ZBTB20: variants seen among roughly 807,000 people sequenced by gnomAD.
The protein encoded by ZBTB20 is zinc finger and BTB domain containing 20, also known as zinc finger and BTB domain-containing protein 20.
Under a neutral mutation model 56.9 loss-of-function variants are expected in ZBTB20, and 9 were observed. The ratio of observed to expected loss-of-function variants is 0.16; its 90% CI spans 0.10 to 0.28. ZBTB20 has a LOEUF of 0.28. Among genes scored for constraint, ZBTB20 ranks in the 10% least tolerant of loss-of-function variants. The probability of loss-of-function intolerance (pLI) is 1.00; values close to 1 mark genes in which losing one functional copy is unlikely to be tolerated. For missense variants in ZBTB20, 655 were observed against 1,003.0 expected, an observed-to-expected ratio of 0.65 and a Z score of 4.69; for synonymous variants, 417 against 420.7, an observed-to-expected ratio of 0.99 and a Z score of 0.11.
intron 1 of ZBTB20, among the ~76,000 whole-genome samples, chr3:115,091,687 T>C (rs543483400): frequency 7.3e-4 from 110 of 150,220 alleles, no homozygotes; most frequent in Middle Eastern, 3.6e-3. Context: ...TATATATATA[T>C]ATATAACACA....
intron 6 of ZBTB20, among the ~76,000 whole-genome samples, chr3:114,593,350 G>A (rs1001486534): frequency 6.6e-6 from 1 of 151,612 alleles, no homozygotes; most frequent in Non-Finnish European, 1.5e-5. Flanking sequence ...AAAAATAGGG[G>A]AGAGGGAGAG....
rs1385741261 is a variant in ZBTB20, at chr3:114,942,609, G to A, written c.-456+31757C>T. ...GTAGCTTATATCAAATCACCCCCTC[G>A]TTGAGAAAAACTATTAAAGATGAAT... is the stretch of plus-strand genomic sequence containing the variant. On this transcript the variant is annotated intron_variant, in intron 3 of 11. Transcript: ENST00000675478. Among the ~76,000 whole-genome samples the A allele has an allele frequency of 1.4e-4, 21 of 145,372 alleles. 4 individuals carry two copies. Among genetic ancestry groups the A allele is most frequent in the African/African-American group, 3.9e-4 (14 of 35,506 alleles).
rs550864416 is a variant in ZBTB20, at chr3:114,459,161, A to T, written c.-255+41191T>A. On this transcript the variant is annotated intron_variant, in intron 7 of 11. Coordinates refer to ENST00000675478, the MANE Select transcript of ZBTB20 (RefSeq NM_001348800.3). ...ACATAATAATAAATGCCATAATTCA[A>T]CGTATCTCATAATTTGATTTACTTT... 7.9e-5 allele frequency among the ~76,000 whole-genome samples: 12 copies of T among 152,220 alleles called. No homozygotes were observed. In the South Asian group the frequency reaches 1.0e-3, roughly 13 times the overall value.
chr3:114,768,871 A>G (rs2068970429), intron 5 of ZBTB20, among the ~76,000 whole-genome samples: 1 of 152,186 alleles, frequency 6.6e-6, no homozygotes, highest in Non-Finnish European at 1.5e-5. Flanking sequence ...AGGTTCTGAT[A>G]CCCAGTAATT....
intron 6 of ZBTB20, among the ~76,000 whole-genome samples, chr3:114,635,143 C>A (rs1274264): frequency 0.35 from 52,851 of 151,966 alleles, 11,839 homozygotes; most frequent in African/African-American, 0.63. Context: ...TTAGCAAAAA[C>A]TAAAAGGAGC....
chr3:114,610,751 G>A (rs1159829174), intron 6 of ZBTB20, among the ~76,000 whole-genome samples: 1 of 152,162 alleles, frequency 6.6e-6, no homozygotes, highest in Non-Finnish European at 1.5e-5. Flanking sequence ...TTGCTGAAAC[G>A]AGAAGATGAA....
At chr3:114,844,373 T>TATATATATATATATA (rs1467342908) in intron 4 of ZBTB20, among the ~76,000 whole-genome samples, 25 of 88,228 alleles carry the variant, frequency 2.8e-4, no homozygotes, top group Non-Finnish European at 4.7e-4. Context: ...ATATATATAT[T>TATATATATATATATA]AGCTGAGAGT....
intron 7 of ZBTB20, among the ~76,000 whole-genome samples, chr3:114,446,836 T>C (rs2091302679): frequency 6.6e-6 from 1 of 152,170 alleles, no homozygotes; most frequent in African/African-American, 2.4e-5. Flanking sequence ...CTTTTAAAAA[T>C]GCTATTTCTT....
intron 5 of ZBTB20, chr3:114,792,029 CTCTT>C (rs2070993769): frequency 6.6e-6 from 1 of 152,104 alleles, no homozygotes; most frequent in Non-Finnish European, 1.5e-5. Flanking sequence ...AAGTGTAACA[CTCTT>C]TATTGTTCCT....
chr3:114,464,728 G>A (rs11917631), intron 7 of ZBTB20, among the ~76,000 whole-genome samples: 32,820 of 151,848 alleles, frequency 0.22, 5,768 homozygotes, highest in African/African-American at 0.49. Context: ...TGGATAAAAA[G>A]GACATGAATA....
At chr3:115,128,724 G>A (rs1640932684) in intron 1 of ZBTB20, among the ~76,000 whole-genome samples, 1 of 140,914 alleles carries the variant, frequency 7.1e-6, no homozygotes, top group Non-Finnish European at 1.6e-5. Flanking sequence ...GGGGAGGGGA[G>A]GGCAGTGGAG....
chr3:114,703,125 GAGA>G (rs1221795719), intron 5 of ZBTB20, among the ~76,000 whole-genome samples: 8 of 152,130 alleles, frequency 5.3e-5, no homozygotes, highest in Admixed American at 3.9e-4. Flanking sequence ...CCAGATTTGA[GAGA>G]AGAAGAATGA....
chr3:114,906,777 T>A (rs899673064), intron 3 of ZBTB20, among the ~76,000 whole-genome samples: 1 of 151,518 alleles, frequency 6.6e-6, no homozygotes, highest in Non-Finnish European at 1.5e-5. Flanking sequence ...TAGGAAAACA[T>A]AGATGAAATA....
chr3:115,082,134 C>T (rs1044885142), intron 1 of ZBTB20, among the ~76,000 whole-genome samples: 1 of 152,170 alleles, frequency 6.6e-6, no homozygotes, highest in African/African-American at 2.4e-5. Context: ...GGGTTTCACC[C>T]ATTTATTTGG....
chr3:114,703,641 C>T (rs1327353529), intron 5 of ZBTB20, among the ~76,000 whole-genome samples: 1 of 152,100 alleles, frequency 6.6e-6, no homozygotes, highest in South Asian at 2.1e-4. Flanking sequence ...AACTCACAAC[C>T]AATTATTTTG....
chr3:114,510,368 A>G (rs1373588768), intron 6 of ZBTB20, among the ~76,000 whole-genome samples: 4 of 152,180 alleles, frequency 2.6e-5, no homozygotes, highest in Non-Finnish European at 5.9e-5. Flanking sequence ...TTTTTGTCCT[A>G]GAGTCTGAAG....
chr3:114,382,255 T>G (rs1209826277), intron 8 of ZBTB20, among the ~76,000 whole-genome samples: 1 of 152,218 alleles, frequency 6.6e-6, no homozygotes, highest in Non-Finnish European at 1.5e-5. Flanking sequence ...CTGCTTTTTA[T>G]CTAGCTGATT....
At chr3:114,846,627 G>A (rs554925669) in intron 4 of ZBTB20, among the ~76,000 whole-genome samples, 1 of 152,328 alleles carries the variant, frequency 6.6e-6, no homozygotes, top group South Asian at 2.1e-4. Context: ...TCCAACAGGA[G>A]ACTAGTAGAG....
chr3:114,574,286 C>T (rs896537415), intron 6 of ZBTB20, among the ~76,000 whole-genome samples: 2 of 152,112 alleles, frequency 1.3e-5, no homozygotes, highest in African/African-American at 4.8e-5. Flanking sequence ...TCTATTTCCT[C>T]TAGACAGATG....
Sources: allele counts gnomAD v4.1 joint callset (sites outside exome capture counted in the v4.1 genomes callset), GRCh38; gene constraint gnomAD v4.1.1; transcripts MANE v1.5; gene names NCBI Gene and HGNC (gene_info 2026-07-23, HGNC 2026-07-21).